TMEM177: variants seen among roughly 807,000 people sequenced by gnomAD.
TMEM177 encodes transmembrane protein 177.
In TMEM177, 4 loss-of-function variants were observed where a neutral mutation model predicts 14.2. That is an observed-to-expected ratio of 0.28 (90% confidence interval 0.14 to 0.64). The LOEUF (loss-of-function observed/expected upper bound fraction) is 0.64. Ranked by LOEUF, TMEM177 falls within the 30% of genes least tolerant of loss-of-function variation. TMEM177 has a pLI of 0.82. For missense variants in TMEM177, 344 were observed against 405.2 expected, an observed-to-expected ratio of 0.85 and a Z score of 1.30; for synonymous variants, 179 against 174.5, an observed-to-expected ratio of 1.03 and a Z score of -0.20.
At chr2:119,693,943 C>CA in the TMEM177 span, among the ~76,000 whole-genome samples, 431 of 145,518 alleles carry the variant, frequency 3.0e-3, 23 homozygotes, top group African/African-American at 6.9e-3. Flanking sequence ...ATCACACAAG[C>CA]CACACACACA....
At chr2:119,695,911 C>T in the TMEM177 span, among the ~76,000 whole-genome samples, 1 of 152,172 alleles carries the variant, frequency 6.6e-6, no homozygotes, top group Non-Finnish European at 1.5e-5. Context: ...GCCTCAGCAG[C>T]AAAAGAAGGG....
chr2:119,697,656 G>A, the TMEM177 span, among the ~76,000 whole-genome samples: 3 of 151,966 alleles, frequency 2.0e-5, no homozygotes, highest in Non-Finnish European at 4.4e-5. Context: ...AAAACTACTC[G>A]ATTCCTCACC....
chr2:119,705,803 C>T, the TMEM177 span, among the ~76,000 whole-genome samples: 1 of 151,734 alleles, frequency 6.6e-6, no homozygotes. Context: ...GGGTGTGACT[C>T]ATTGGGGGCC....
chr2:119,698,805 T>A, the TMEM177 span: 3 of 152,400 alleles, frequency 2.0e-5, no homozygotes, highest in African/African-American at 7.2e-5. Context: ...GAGACCAGCC[T>A]GGCCAACATG....
chr2:119,710,913 C>A, the TMEM177 span, among the ~76,000 whole-genome samples: 1 of 152,126 alleles, frequency 6.6e-6, no homozygotes, highest in Non-Finnish European at 1.5e-5. Context: ...CCCGGCCCAA[C>A]ACCTGCCATC....
chr2:119,717,570 G>A, the TMEM177 span, among the ~76,000 whole-genome samples: 1 of 145,284 alleles, frequency 6.9e-6, no homozygotes, highest in African/African-American at 2.5e-5. Context: ...ACCTCTCTCA[G>A]TTCCCCCATG....
chr2:119,689,229 C>T (rs1025071402), downstream of TMEM177, among the ~76,000 whole-genome samples: 1 of 152,204 alleles, frequency 6.6e-6, no homozygotes, highest in Non-Finnish European at 1.5e-5. Context: ...TTACTCCTCA[C>T]TCAGTCAGGT....
chr2:119,685,419 GCACA>G (rs138566609), downstream of TMEM177, among the ~76,000 whole-genome samples: 4 of 151,376 alleles, frequency 2.6e-5, no homozygotes, highest in East Asian at 7.8e-4. Context: ...AGCTGGGCGC[GCACA>G]CACACACACA....
chr2:119,709,151 G>A, the TMEM177 span, among the ~76,000 whole-genome samples: 4 of 152,176 alleles, frequency 2.6e-5, no homozygotes, highest in Admixed American at 6.5e-5. Context: ...TGTACCATGC[G>A]CGTCTCTTTC....
downstream of TMEM177, among the ~76,000 whole-genome samples, chr2:119,688,824 G>A (rs1226076027): frequency 6.6e-5 from 10 of 152,190 alleles, no homozygotes; most frequent in Non-Finnish European, 5.9e-5. Flanking sequence ...CCATGAAAAT[G>A]TGCCACTCAG....
the TMEM177 span, among the ~76,000 whole-genome samples, chr2:119,719,633 G>T: frequency 6.6e-5 from 10 of 152,144 alleles, no homozygotes; most frequent in African/African-American, 2.4e-4. Context: ...CCAGAATAGT[G>T]GCAGTCAGCT....
At chr2:119,702,555 C>T in the TMEM177 span, among the ~76,000 whole-genome samples, 9 of 152,098 alleles carry the variant, frequency 5.9e-5, no homozygotes, top group Non-Finnish European at 1.3e-4. Context: ...CAGGAGAGAA[C>T]CCTGAAATGA....
At chr2:119,679,736 A>G (rs1184920813) in intron 1 of TMEM177, 1 of 152,272 alleles carries the variant, frequency 6.6e-6, no homozygotes, top group South Asian at 2.1e-4. Context: ...TGGTGGAAAG[A>G]GAAATCAAAC....
At chr2:119,684,693 C>T (rs368126759), downstream of TMEM177, among the ~76,000 whole-genome samples, 21 of 152,318 alleles carry the variant, frequency 1.4e-4, no homozygotes, top group African/African-American at 5.1e-4. Flanking sequence ...GAATCCTATC[C>T]GACCCTGTCC....
At chr2:119,705,777 C>T in the TMEM177 span, among the ~76,000 whole-genome samples, 5 of 151,602 alleles carry the variant, frequency 3.3e-5, no homozygotes, top group Admixed American at 6.6e-5. Flanking sequence ...CAAGAATAGA[C>T]GGTGGGGGTT....
chr2:119,687,543 A>C (rs755488059), downstream of TMEM177, among the ~76,000 whole-genome samples: 1 of 152,120 alleles, frequency 6.6e-6, no homozygotes, highest in Non-Finnish European at 1.5e-5. Context: ...AAATCATCAG[A>C]TCTCTTGAGA....
chr2:119,715,251 G>T, the TMEM177 span, among the ~76,000 whole-genome samples: 1 of 152,164 alleles, frequency 6.6e-6, no homozygotes, highest in East Asian at 1.9e-4. Context: ...AGACAGGCAT[G>T]GTGGCTTGCA....
chr2:119,703,072 C>CG, the TMEM177 span, among the ~76,000 whole-genome samples: 6 of 152,222 alleles, frequency 3.9e-5, no homozygotes, highest in Non-Finnish European at 7.3e-5. Context: ...CAGGAGCCCC[C>CG]GGGAGAAGGG....
chr2:119,708,644 G>GACACACACACACAC, the TMEM177 span, among the ~76,000 whole-genome samples: 75 of 146,838 alleles, frequency 5.1e-4, no homozygotes, highest in African/African-American at 1.8e-3. Flanking sequence ...ATCACACGCA[G>GACACACACACACAC]ACACACACAC....
Sources: allele counts gnomAD v4.1 joint callset (sites outside exome capture counted in the v4.1 genomes callset), GRCh38; gene constraint gnomAD v4.1.1; transcripts MANE v1.5; gene names NCBI Gene and HGNC (gene_info 2026-07-23, HGNC 2026-07-21).